RASL12: variants seen among roughly 807,000 people sequenced by gnomAD.
The protein encoded by RASL12 is ras-like protein family member 12.
A neutral mutation model predicts 22.9 loss-of-function variants in RASL12; 16 were observed. The ratio of observed to expected loss-of-function variants is 0.70; its 90% CI spans 0.47 to 1.06. The LOEUF is 1.06. RASL12 is among the 50% of genes least tolerant of loss of function. The pLI is 0.00. For synonymous variants in RASL12, 159 were observed against 152.2 expected (o/e 1.04, Z -0.33); for missense variants, 306 against 353.1 (o/e 0.87, Z 1.07).
the RASL12 span, among the ~76,000 whole-genome samples, chr15:65,048,291 C>T: frequency 6.6e-6 from 1 of 152,080 alleles, no homozygotes; most frequent in East Asian, 1.9e-4. Context: ...AAGCTTAAGT[C>T]AGTATTGTAT....
chr15:65,051,733 G>C, downstream of RASL12: 1 of 755,436 alleles, frequency 1.3e-6, no homozygotes, highest in Non-Finnish European at 2.2e-6. Context: ...GCAAAATTCA[G>C]CCTTCAGTGT....
At chr15:65,075,429 C>T (rs2086960313) in intron 1 of RASL12, among the ~76,000 whole-genome samples, 1 of 152,268 alleles carries the variant, frequency 6.6e-6, no homozygotes, top group Non-Finnish European at 1.5e-5. Context: ...GCAGGACTGG[C>T]AGGCAACTCC....
rs749904254 is a variant in RASL12, at chr15:65,055,032, G to T, written c.668C>A (p.Thr223Lys). Residue 223 changes from threonine (T) to lysine (K), a missense_variant, in exon 5 of 5, where the codon ACG (threonine) becomes AAG (lysine). By Grantham distance (78) the Thr-to-Lys change is moderately conservative (BLOSUM62 -1). Coordinates refer to ENST00000220062, the MANE Select transcript of RASL12 (RefSeq NM_016563.4). ...CTCCTTCAGGTTGATGGTGGAGAGC[G>T]TGTTGAAGGTGCAGCTGGCCAGCCC... ...RHGLASCTFN[T>K]LSTINLKEMP... The T allele has an allele frequency of 1.7e-5, 28 of 1,613,690 alleles. No homozygotes were observed. The highest frequency in any genetic ancestry group is 1.1e-4 in the East Asian group (5 of 44,884).
Position 65,076,368 on chromosome 15 carries a change from A to G in RASL12, c.70+161T>C, listed in dbSNP as rs370639942. 4.6e-5 allele frequency among the ~76,000 whole-genome samples: 7 copies of G among 152,184 alleles called. 1 individual carries two copies. The highest frequency in any genetic ancestry group is 1.7e-4 in the African/African-American group (7 of 41,518). On this transcript the variant is annotated intron_variant, in intron 1 of 4. Transcript: ENST00000434605. ...CACTGGGAGGAACGAACAACTCCAGACACGCTGCCTTAAGAGCTGTAACAC... is the reference window on the plus strand; with the variant it reads ...CACTGGGAGGAACGAACAACTCCAGGCACGCTGCCTTAAGAGCTGTAACAC...
intron 4 of RASL12, among the ~76,000 whole-genome samples, chr15:65,058,136 G>T (rs2086755909): frequency 6.6e-6 from 1 of 152,190 alleles, no homozygotes; most frequent in African/African-American, 2.4e-5. Context: ...TGGCATGGTG[G>T]CAGGAACCTG....
chr15:65,053,455 A>C lies in RASL12; in HGVS notation c.*1444T>G. On this transcript the variant is annotated 3_prime_UTR_variant, in exon 5 of 5. Coordinates refer to ENST00000220062, the MANE Select transcript of RASL12 (RefSeq NM_016563.4). ...CATACACACACAAGTGGCCTGGAGC[A>C]AAAGTGCAAAATCCGTAGCTGGCCT... is the stretch of plus-strand genomic sequence containing the variant. 1 of 1,184,638 alleles carries C rather than the reference A, an allele frequency of 8.4e-7. No individual in the cohort carries two copies. The highest frequency in any genetic ancestry group is 1.0e-6 in the Non-Finnish European group (1 of 955,118). The allele number at this position is 1,184,638 out of a possible 1,614,324, so 73.4% of individuals were successfully genotyped here.
upstream of RASL12, among the ~76,000 whole-genome samples, chr15:65,070,346 A>C (rs1464780621): frequency 6.6e-6 from 1 of 152,266 alleles, no homozygotes; most frequent in African/African-American, 2.4e-5. Context: ...CCCATGGCCC[A>C]AGGAAGTGGA....
intron 2 of RASL12, among the ~76,000 whole-genome samples, chr15:65,064,389 T>C (rs771027576): frequency 2.6e-5 from 4 of 152,174 alleles, no homozygotes; most frequent in African/African-American, 7.2e-5. Flanking sequence ...CAGAGCCAGG[T>C]AGGATTCAAA....
intron 4 of RASL12, among the ~76,000 whole-genome samples, chr15:65,057,075 C>T (rs1401682573): frequency 3.9e-5 from 6 of 152,244 alleles, no homozygotes; most frequent in Admixed American, 2.0e-4. Flanking sequence ...TGACTTCCCT[C>T]ATTCTCTGAG....
At chr15:65,067,215 T>C (rs908433704) in intron 1 of RASL12, among the ~76,000 whole-genome samples, 22 of 151,578 alleles carry the variant, frequency 1.5e-4, no homozygotes, top group Admixed American at 2.6e-4. Context: ...GGGGAGGGGT[T>C]GGACGGGAAG....
downstream of RASL12, among the ~76,000 whole-genome samples, chr15:65,050,286 A>G (rs545284198): frequency 5.9e-5 from 9 of 152,262 alleles, no homozygotes; most frequent in Non-Finnish European, 8.8e-5. Flanking sequence ...TCCTTTTCTC[A>G]GGGTGTGGTC....
upstream of RASL12, among the ~76,000 whole-genome samples, chr15:65,068,617 T>C (rs1041286341): frequency 2.0e-5 from 3 of 152,208 alleles, no homozygotes; most frequent in Non-Finnish European, 2.9e-5. This position sits in a 1 kb window ranked among gnomAD's most constrained non-coding sequence, Gnocchi z 4.2. Context: ...GCTAATGAGT[T>C]GCATGTGTTT....
intron 2 of RASL12, among the ~76,000 whole-genome samples, chr15:65,061,788 A>G (rs951083948): frequency 1.3e-5 from 2 of 152,054 alleles, no homozygotes; most frequent in Admixed American, 6.5e-5. Context: ...GGTGGCTCAC[A>G]CCTGTAATCC....
the RASL12 span, among the ~76,000 whole-genome samples, chr15:65,045,909 TAATTCCAGC>T: frequency 6.6e-6 from 1 of 152,258 alleles, no homozygotes; most frequent in Non-Finnish European, 1.5e-5. Flanking sequence ...CTCACGCCTG[TAATTCCAGC>T]ACTTTTGGAG....
Position 65,054,821 on chromosome 15 carries a change from G to C in RASL12, c.*78C>G. 1 of 1,532,090 alleles carries C rather than the reference G, an allele frequency of 6.5e-7. No individual in the cohort carries two copies. Among genetic ancestry groups the C allele is most frequent in the Non-Finnish European group, 8.8e-7 (1 of 1,140,776 alleles). The allele number at this position is 1,532,090 out of a possible 1,614,324, so 94.9% of individuals were successfully genotyped here. On this transcript the variant is annotated 3_prime_UTR_variant, in exon 5 of 5. Transcript: ENST00000220062. Reference sequence around the variant, plus strand: ...GGTCTGCTGTCCATCAGACGGAAAGGCTGGTGGTGAGAAGCCAGTCCCTGT... The same window carrying C: ...GGTCTGCTGTCCATCAGACGGAAAGCCTGGTGGTGAGAAGCCAGTCCCTGT...
At chr15:65,065,383 G>A (rs2140530398) in intron 1 of RASL12, 110 bp from the exon 2 acceptor site, 4 of 975,968 alleles carry the variant, frequency 4.1e-6, no homozygotes, top group Middle Eastern at 2.8e-4. Flanking sequence ...CTGACACCAA[G>A]CTCAGCTCTC....
At chr15:65,061,943 G>C (rs549529720) in intron 2 of RASL12, among the ~76,000 whole-genome samples, 3 of 151,730 alleles carry the variant, frequency 2.0e-5, no homozygotes, top group Admixed American at 6.6e-5. Context: ...CCAGCTACTC[G>C]GGTGGCAGGC....
chr15:65,057,400 T>C (rs984578177), intron 4 of RASL12, among the ~76,000 whole-genome samples: 3 of 152,180 alleles, frequency 2.0e-5, no homozygotes, highest in African/African-American at 7.2e-5. Context: ...CAGTGTCAAA[T>C]GCTTCAGGGC....
upstream of RASL12, among the ~76,000 whole-genome samples, chr15:65,072,526 G>C (rs2086938999): frequency 6.6e-6 from 1 of 152,298 alleles, no homozygotes; most frequent in Admixed American, 6.5e-5. Flanking sequence ...TAAGGATGGG[G>C]AGCTAAACAT....
Sources: allele counts gnomAD v4.1 joint callset (sites outside exome capture counted in the v4.1 genomes callset), GRCh38; gene constraint gnomAD v4.1.1; non-coding constraint Gnocchi (gnomAD v3.1); transcripts MANE v1.5; gene names NCBI Gene and HGNC (gene_info 2026-07-23, HGNC 2026-07-21).